The following PHKB variants were observed in gnomAD, a reference collection of about 807,000 sequenced individuals.
PHKB encodes phosphorylase kinase regulatory subunit beta.
Under a neutral mutation model 152.1 loss-of-function variants are expected in PHKB, and 122 were observed. That is an observed-to-expected ratio of 0.80 (90% CI 0.69 to 0.93). PHKB has a LOEUF of 0.93. PHKB is among the 40% of genes least tolerant of loss of function. The probability of loss-of-function intolerance (pLI) is 0.00; values close to 1 mark genes in which losing one functional copy is unlikely to be tolerated. For synonymous variants in PHKB, 436 were observed against 464.9 expected, an observed-to-expected ratio of 0.94 and a Z score of 0.80; for missense variants, 1,304 against 1,328.4, an observed-to-expected ratio of 0.98 and a Z score of 0.29.
chr16:47,542,641 G>A lies in PHKB; in HGVS notation c.595-4792G>A, dbSNP rs189881020. ...TTCTTCCTATCCATGAGCATGGAAT[G>A]TTCCTCCATTTATTTGTGTCCTCTT... On this transcript the variant is annotated intron_variant, in intron 6 of 30. Coordinates refer to ENST00000323584, the MANE Select transcript of PHKB (RefSeq NM_000293.3). 3.3e-5 allele frequency among the ~76,000 whole-genome samples: 5 copies of A among 152,284 alleles called. No individual in the cohort carries two copies. The East Asian group carries it at 9.6e-4, about 29-fold the overall frequency.
At chr16:47,626,123 T>C (rs11862281) in intron 14 of PHKB, among the ~76,000 whole-genome samples, 17,937 of 152,242 alleles carry the variant, frequency 0.12, 2,316 homozygotes, top group African/African-American at 0.32. Context: ...TTCTAGTGTA[T>C]AAAACTGTTA....
At chr16:47,513,331 A>G (rs1175618860) in intron 5 of PHKB, among the ~76,000 whole-genome samples, 1 of 152,216 alleles carries the variant, frequency 6.6e-6, no homozygotes, top group African/African-American at 2.4e-5. Context: ...GCTTGTGTCA[A>G]TGCTGTAAGA....
In PHKB at chr16:47,521,403, C is replaced by T. The variant is rs183504274; in HGVS notation, c.594+5802C>T. On this transcript the variant is annotated intron_variant, in intron 6 of 30. Coordinates refer to ENST00000323584, the MANE Select transcript of PHKB (RefSeq NM_000293.3). ...GTGCGGTGGCTCACCCCTGTAATCCCAGCACTTAGGGAAGCCGAGGCAGGT... is the reference window on the plus strand; with the variant it reads ...GTGCGGTGGCTCACCCCTGTAATCCTAGCACTTAGGGAAGCCGAGGCAGGT... 2.4e-3 allele frequency among the ~76,000 whole-genome samples: 360 copies of T among 152,212 alleles called. 1 individual carries two copies. The highest frequency in any genetic ancestry group is 8.0e-3 in the African/African-American group (334 of 41,536).
chr16:47,520,153 G>C (rs1970661733), intron 6 of PHKB, among the ~76,000 whole-genome samples: 1 of 152,110 alleles, frequency 6.6e-6, no homozygotes. Context: ...CTTAGCTCCT[G>C]CTTGTCATCA....
intron 1 of PHKB, among the ~76,000 whole-genome samples, chr16:47,469,901 A>G (rs1329256474): frequency 1.3e-5 from 2 of 152,218 alleles, no homozygotes; most frequent in Non-Finnish European, 2.9e-5. Context: ...TGTGAAGATG[A>G]AGTAATGTCT....
At chr16:47,551,407 C>T (rs538549640) in intron 7 of PHKB, among the ~76,000 whole-genome samples, 1 of 152,216 alleles carries the variant, frequency 6.6e-6, no homozygotes. Context: ...GATTCTGGTA[C>T]ATTGTGTCTT....
At chr16:47,652,101 A>G (rs1431210264) in intron 20 of PHKB, among the ~76,000 whole-genome samples, 2 of 149,614 alleles carry the variant, frequency 1.3e-5, no homozygotes, top group African/African-American at 4.9e-5. Context: ...TCAGTCTTTC[A>G]TGTTGGAGGC....
At chr16:47,615,760 A>G (rs947740643) in intron 14 of PHKB, among the ~76,000 whole-genome samples, 1 of 152,164 alleles carries the variant, frequency 6.6e-6, no homozygotes, top group Admixed American at 6.5e-5. Flanking sequence ...TCCAATTTTT[A>G]TAGTGGATAA....
At chr16:47,646,553 AT>A (rs1973129225) in intron 16 of PHKB, among the ~76,000 whole-genome samples, 1 of 146,260 alleles carries the variant, frequency 6.8e-6, no homozygotes, top group African/African-American at 2.6e-5. Context: ...AACATTAAAA[AT>A]AAAAAATAAA....
chr16:47,686,807 G>A (rs1421717998), intron 26 of PHKB, among the ~76,000 whole-genome samples: 3 of 152,088 alleles, frequency 2.0e-5, no homozygotes, highest in Non-Finnish European at 2.9e-5. Context: ...TTACCTGTGA[G>A]TATTTTAGTG....
At chr16:47,485,680 C>G (rs141679215) in intron 1 of PHKB, among the ~76,000 whole-genome samples, 1 of 152,158 alleles carries the variant, frequency 6.6e-6, no homozygotes, top group African/African-American at 2.4e-5. Flanking sequence ...AGTCCAGGTG[C>G]GTGATCTTTG....
At chr16:47,593,366 G>A in intron 10 of PHKB, 134 bp from the exon 11 acceptor site, 1 of 615,656 alleles carries the variant, frequency 1.6e-6, no homozygotes, top group Non-Finnish European at 2.9e-6. Flanking sequence ...CTTGAGCCCA[G>A]GAGGGCAAGG....
intron 1 of PHKB, among the ~76,000 whole-genome samples, chr16:47,478,466 A>ATTTTTTT (rs199656987): frequency 2.3e-5 from 3 of 127,890 alleles, no homozygotes; most frequent in African/African-American, 6.1e-5. Context: ...TTGCTGTGAA[A>ATTTTTTT]TTTTTTTTTT....
intron 8 of PHKB, 48 bp downstream of exon 8, chr16:47,580,406 T>A: frequency 7.5e-7 from 1 of 1,325,014 alleles, no homozygotes; most frequent in Non-Finnish European, 1.1e-6. Context: ...ATTGCACATT[T>A]AATTAATTTG....
intron 18 of PHKB, 71 bp downstream of exon 18, chr16:47,649,275 T>C (rs1973191960): frequency 8.1e-6 from 7 of 863,216 alleles, no homozygotes; most frequent in South Asian, 4.0e-5. Context: ...TGTTACTATA[T>C]TGAGTACTCC....
At chr16:47,603,796 C>T (rs776542166) in intron 13 of PHKB, among the ~76,000 whole-genome samples, 2 of 152,184 alleles carry the variant, frequency 1.3e-5, no homozygotes, top group Non-Finnish European at 1.5e-5. Flanking sequence ...TGAGCCACCA[C>T]GCTTGGCCAA....
At chr16:47,692,757 G>T (rs1380099303) in intron 27 of PHKB, among the ~76,000 whole-genome samples, 1 of 152,030 alleles carries the variant, frequency 6.6e-6, no homozygotes, top group Non-Finnish European at 1.5e-5. Context: ...GAAAATAAAA[G>T]ATCTAAAATT....
rs188218322 is a variant in PHKB at position 47,478,061 on chromosome 16, A to C, written c.76+16635A>C. 1.6e-3 allele frequency among the ~76,000 whole-genome samples: 247 copies of C among 152,304 alleles called. 1 individual carries two copies. The highest frequency in any genetic ancestry group is 5.5e-3 in the African/African-American group (229 of 41,574). On this transcript the variant is annotated intron_variant, in intron 1 of 30. Transcript: ENST00000323584. ...ATCTAGAGTAAGTTTCAGAATAAGA[A>C]GTGATATAACATCTATTTCTGGAAA... is the stretch of plus-strand genomic sequence containing the variant.
chr16:47,469,804 A>T (rs1969732969), intron 1 of PHKB, among the ~76,000 whole-genome samples: 1 of 152,202 alleles, frequency 6.6e-6, no homozygotes, highest in Non-Finnish European at 1.5e-5. Context: ...TTTTCCCCCT[A>T]AAACCAAACA....
Sources: gnomAD v4.1 joint callset for allele counts (sites outside exome capture counted in the v4.1 genomes callset) on GRCh38, gnomAD v4.1.1 for gene constraint, MANE v1.5 for transcripts, NCBI Gene and HGNC (gene_info 2026-07-23, HGNC 2026-07-21) for gene names.